Variants in STK40 observed in about 807,000 individuals in gnomAD.
STK40 encodes serine/threonine kinase 40.
Under a neutral mutation model 47.9 loss-of-function variants are expected in STK40, and 13 were observed. The observed-to-expected ratio is 0.27, with a 90% CI of 0.18 to 0.43. STK40 has a LOEUF of 0.43. Among genes scored for constraint, STK40 ranks in the 20% least tolerant of loss-of-function variants. STK40 has a pLI of 1.00. For synonymous variants in STK40, 225 were observed against 243.2 expected (o/e 0.93, Z 0.69); for missense variants, 460 against 595.1 (o/e 0.77, Z 2.36).
At chr1:36,372,423 CAAAA>C (rs796595993) in intron 1 of STK40, among the ~76,000 whole-genome samples, 79 of 39,590 alleles carry the variant, frequency 2.0e-3, no homozygotes, top group Middle Eastern at 0.017. Context: ...GACCTTGTCT[CAAAA>C]AAAAAAAAAA....
chr1:36,354,285 T>G, intron 6 of STK40, 79 bp downstream of exon 6: 2 of 1,506,420 alleles, frequency 1.3e-6, no homozygotes, highest in South Asian at 2.3e-5. Context: ...TGAGGACACT[T>G]CAGGGCACTG....
intron 7 of STK40, among the ~76,000 whole-genome samples, chr1:36,346,033 T>C (rs1167099037): frequency 2.0e-4 from 27 of 132,114 alleles, no homozygotes; most frequent in Non-Finnish European, 2.9e-4. Context: ...CTTGCTCTGT[T>C]GCCCAGGCTG....
chr1:36,350,629 C>A (rs1364147331), intron 6 of STK40, among the ~76,000 whole-genome samples: 2 of 152,204 alleles, frequency 1.3e-5, no homozygotes, highest in Non-Finnish European at 2.9e-5. Flanking sequence ...GGCACTTAGC[C>A]CAATGCCTGG....
intron 1 of STK40, among the ~76,000 whole-genome samples, chr1:36,361,866 G>A (rs1646855529): frequency 6.6e-6 from 1 of 152,044 alleles, no homozygotes; most frequent in Non-Finnish European, 1.5e-5. Context: ...GAGGCCTGGG[G>A]GCTTCTTATG....
chr1:36,344,514 A>T (rs1646683153), intron 7 of STK40, among the ~76,000 whole-genome samples: 4 of 152,170 alleles, frequency 2.6e-5, no homozygotes, highest in Admixed American at 1.3e-4. Context: ...AGCCCCTGGG[A>T]GCCAGGCATG....
chr1:36,382,173 C>T (rs1647045039), intron 1 of STK40, among the ~76,000 whole-genome samples: 1 of 151,978 alleles, frequency 6.6e-6, no homozygotes, highest in African/African-American at 2.4e-5. Context: ...AATACATTTA[C>T]TCCCATGTAT....
At chr1:36,375,593 C>T (rs1375732505) in intron 1 of STK40, among the ~76,000 whole-genome samples, 2 of 152,166 alleles carry the variant, frequency 1.3e-5, no homozygotes, top group East Asian at 1.9e-4. Flanking sequence ...CCAGGCCAGA[C>T]CTAGGTGCTG....
At chr1:36,351,328 A>C (rs2124730803) in intron 6 of STK40, among the ~76,000 whole-genome samples, 1 of 152,312 alleles carries the variant, frequency 6.6e-6, no homozygotes, top group East Asian at 1.9e-4. Context: ...TCTGCTGAGA[A>C]GGCCTCCAGC....
At chr1:36,383,836 C>CA (rs2124756467) in intron 1 of STK40, among the ~76,000 whole-genome samples, 1 of 152,200 alleles carries the variant, frequency 6.6e-6, no homozygotes, top group Non-Finnish European at 1.5e-5. Context: ...ATCTCGCTCT[C>CA]AAAGTATTCA....
intron 1 of STK40, among the ~76,000 whole-genome samples, chr1:36,371,364 C>CT (rs1646945109): frequency 6.6e-6 from 1 of 150,392 alleles, no homozygotes; most frequent in Non-Finnish European, 1.5e-5. Context: ...ACCATCCTGG[C>CT]TAACATGGTG....
chr1:36,346,795 C>T (rs1022393951), intron 7 of STK40, among the ~76,000 whole-genome samples: 1 of 152,238 alleles, frequency 6.6e-6, no homozygotes, highest in African/African-American at 2.4e-5. Flanking sequence ...ATGAAGGCCA[C>T]TCTAGGCTGG....
chr1:36,344,808 T>G (rs1435084921), intron 7 of STK40, among the ~76,000 whole-genome samples: 1 of 152,234 alleles, frequency 6.6e-6, no homozygotes, highest in Admixed American at 6.5e-5. Flanking sequence ...AAGTATTTGC[T>G]AAATGAAGGA....
In STK40 at chr1:36,345,799, C is replaced by T. The variant is rs550201741; in HGVS notation, c.740-1535G>A. ...GGACCTGTGTAGGGTTCCCTCAGCC[C>T]GAGCCTCTGTCCTGACCTGGAGGTA... On this transcript the variant is annotated intron_variant, in intron 7 of 10. Transcript: ENST00000373132. 1.2e-4 allele frequency among the ~76,000 whole-genome samples: 18 copies of T among 151,372 alleles called. No homozygotes were observed. The East Asian group carries it at 2.3e-3, about 20-fold the overall frequency.
chr1:36,347,316 T>A (rs1294985727), intron 7 of STK40, among the ~76,000 whole-genome samples: 1 of 152,152 alleles, frequency 6.6e-6, no homozygotes, highest in Non-Finnish European at 1.5e-5. Flanking sequence ...TGGGAGCTGG[T>A]GTAAGCCCCG....
chr1:36,373,787 C>T (rs764834125), intron 1 of STK40, among the ~76,000 whole-genome samples: 10 of 152,222 alleles, frequency 6.6e-5, no homozygotes, highest in Non-Finnish European at 1.3e-4. Context: ...CATAATATCA[C>T]ATCATTTAAT....
intron 2 of STK40, among the ~76,000 whole-genome samples, chr1:36,360,785 C>T (rs1463442520): frequency 6.6e-6 from 1 of 152,158 alleles, no homozygotes; most frequent in Non-Finnish European, 1.5e-5. Flanking sequence ...ACAAGTGATC[C>T]TCTCACCTCA....
intron 7 of STK40, 83 bp downstream of exon 7, chr1:36,348,617 C>T: frequency 1.5e-6 from 2 of 1,336,346 alleles, no homozygotes; most frequent in Non-Finnish European, 2.1e-6. Context: ...TGCCCAGGGC[C>T]TGCCCACAAA....
intron 1 of STK40, chr1:36,372,787 G>A (rs1485246839): frequency 1.3e-5 from 2 of 152,228 alleles, no homozygotes; most frequent in Admixed American, 6.5e-5. Context: ...GGAGAAAAGG[G>A]CTGAGTCAGA....
At chr1:36,369,634 G>C (rs1570459755) in intron 1 of STK40, among the ~76,000 whole-genome samples, 1 of 152,262 alleles carries the variant, frequency 6.6e-6, no homozygotes, top group Non-Finnish European at 1.5e-5. Context: ...TTCACAGAAG[G>C]CCTCCTGCCA....
Sources: allele counts gnomAD v4.1 joint callset (sites outside exome capture counted in the v4.1 genomes callset), GRCh38; gene constraint gnomAD v4.1.1; transcripts MANE v1.5; gene names NCBI Gene and HGNC (gene_info 2026-07-23, HGNC 2026-07-21).